MEGF6: variants seen among roughly 807,000 people sequenced by gnomAD.
MEGF6 encodes the protein multiple EGF like domains 6, also known as multiple epidermal growth factor-like domains protein 6.
Under a neutral mutation model 207.1 loss-of-function variants are expected in MEGF6, and 184 were observed. The ratio of observed to expected loss-of-function variants is 0.89; its 90% CI spans 0.79 to 1.00. The LOEUF is 1.00. Among genes scored for constraint, MEGF6 ranks in the 50% least tolerant of loss-of-function variants. The probability of loss-of-function intolerance (pLI) is 0.00; values close to 1 mark genes in which losing one functional copy is unlikely to be tolerated. For missense variants in MEGF6, 2,282 were observed against 2,202.9 expected (o/e 1.04, Z -0.72); for synonymous variants, 1,038 against 910.0 (o/e 1.14, Z -2.53).
intron 4 of MEGF6, among the ~76,000 whole-genome samples, chr1:3,549,602 A>G (rs1642822808): frequency 6.6e-6 from 1 of 152,096 alleles, no homozygotes; most frequent in Non-Finnish European, 1.5e-5. Flanking sequence ...AGGGTCCATC[A>G]ATTCACCGAA....
rs180778483 is a variant in MEGF6 at position 3,559,184 on chromosome 1, G to A, written c.481+20641C>T. Among the ~76,000 whole-genome samples, 34 of 152,328 alleles carry A rather than the reference G, an allele frequency of 2.2e-4. No homozygotes were observed. In the East Asian group the frequency reaches 5.0e-3, roughly 22 times the overall value. ...TGGAGGAGGAACCCTGGGGGCCTCT[G>A]CAGTGCACTAAGGCCATTCGGCATG... On this transcript the variant is annotated intron_variant, in intron 4 of 36. Coordinates refer to ENST00000356575, the MANE Select transcript of MEGF6 (RefSeq NM_001409.4).
At chr1:3,580,627 C>A (rs546675753) in intron 3 of MEGF6, among the ~76,000 whole-genome samples, 38 of 152,208 alleles carry the variant, frequency 2.5e-4, no homozygotes, top group African/African-American at 8.9e-4. Context: ...TGCCTCACTG[C>A]CCCCTCCACA....
At chr1:3,562,551 C>T (rs1490264299) in intron 4 of MEGF6, among the ~76,000 whole-genome samples, 1 of 152,240 alleles carries the variant, frequency 6.6e-6, no homozygotes, top group Non-Finnish European at 1.5e-5. Flanking sequence ...ACTCCCTGCG[C>T]CTCTGGCTCA....
intron 35 of MEGF6, among the ~76,000 whole-genome samples, chr1:3,491,666 C>CT (rs982361072): frequency 1.3e-5 from 2 of 151,710 alleles, no homozygotes; most frequent in African/African-American, 4.8e-5. Context: ...GGCGCCCGGC[C>CT]TTTGCCCCGC....
At chr1:3,603,741 G>A (rs2101887452) in intron 1 of MEGF6, among the ~76,000 whole-genome samples, 1 of 152,152 alleles carries the variant, frequency 6.6e-6, no homozygotes, top group Non-Finnish European at 1.5e-5. Context: ...CCTCCGCCCA[G>A]GCCTTGCCAG....
intron 1 of MEGF6, among the ~76,000 whole-genome samples, chr1:3,607,045 A>T (rs1051427100): frequency 6.6e-6 from 1 of 151,882 alleles, no homozygotes; most frequent in Non-Finnish European, 1.5e-5. Context: ...GCGTGATGAC[A>T]GCTTGGGCCT....
At chr1:3,534,787 G>T (rs1404310519) in intron 4 of MEGF6, among the ~76,000 whole-genome samples, 1 of 152,100 alleles carries the variant, frequency 6.6e-6, no homozygotes, top group East Asian at 1.9e-4. Flanking sequence ...GCCAGCCAGG[G>T]ACCGGAGCCC....
Position 3,499,059 on chromosome 1 carries a change from T to A in MEGF6, c.3094+79A>T. The A allele has an allele frequency of 1.9e-6, 3 of 1,542,418 alleles. No individual in the cohort carries two copies. In the South Asian group the frequency reaches 3.5e-5, roughly 18 times the overall value. On this transcript the variant is annotated intron_variant, in intron 24 of 36. Coordinates refer to ENST00000356575, the MANE Select transcript of MEGF6 (RefSeq NM_001409.4). ...CTTCCTCCCTCCCCCAGGCACCAAG[T>A]GTCCTGTGGGCCCTGCAAGAGGCCA...
chr1:3,553,228 G>A (rs568850257), intron 4 of MEGF6, among the ~76,000 whole-genome samples: 32 of 149,338 alleles, frequency 2.1e-4, no homozygotes, highest in African/African-American at 6.5e-4. Context: ...GGGGATCCAC[G>A]GCCGATCGGC....
intron 4 of MEGF6, chr1:3,531,165 C>A: frequency 6.6e-7 from 1 of 1,524,086 alleles, no homozygotes; most frequent in Non-Finnish European, 8.8e-7. Flanking sequence ...AGCGGTAGTG[C>A]GTGCCCGCGA....
intron 4 of MEGF6, chr1:3,547,076 G>A (rs1642739870): frequency 1.3e-5 from 2 of 159,332 alleles, no homozygotes; most frequent in South Asian, 1.6e-4. Context: ...ACGGTGTCCC[G>A]GCACCGACCC....
intron 1 of MEGF6, among the ~76,000 whole-genome samples, chr1:3,606,895 A>G (rs1644257224): frequency 6.6e-6 from 1 of 152,090 alleles, no homozygotes. Flanking sequence ...GGACTCTGTC[A>G]CCATCTCAGG....
At position 3,546,907 on chromosome 1, in the gene MEGF6, AGTGGGCTGGGAAGGGGGCTGCCAGGC is replaced by A. The variant is rs1557767255; in HGVS notation, c.482-22687_482-22662del. 699 of 87,712 alleles carry A rather than the reference AGTGGGCTGGGAAGGGGGCTGCCAGGC, an allele frequency of 8.0e-3. 13 individuals are homozygous for A. The highest frequency in any genetic ancestry group is 0.04 in the South Asian group (142 of 3,534). 5.4% of individuals were successfully genotyped at this position (87,712 alleles called of 1,614,324 possible). On this transcript the variant is annotated intron_variant, in intron 4 of 36. Coordinates refer to ENST00000356575, the MANE Select transcript of MEGF6 (RefSeq NM_001409.4). ...GAAGGGGGCTGCCAGGCGGGGTGGC[AGTGGGCTGGGAAGGGGGCTGCCAGGC>A]GGGGTGGCAGTGGGCTGGGAAGGGA...
intron 6 of MEGF6, among the ~76,000 whole-genome samples, chr1:3,514,891 G>C (rs1429167610): frequency 6.6e-6 from 1 of 152,208 alleles, no homozygotes; most frequent in Non-Finnish European, 1.5e-5. Context: ...AGCCAGCCCA[G>C]GTCAGGCAGC....
intron 4 of MEGF6, among the ~76,000 whole-genome samples, chr1:3,543,790 G>A (rs1642607684): frequency 6.6e-6 from 1 of 152,224 alleles, no homozygotes; most frequent in African/African-American, 2.4e-5. Flanking sequence ...AACACCTCCT[G>A]AAGGGATACG....
At chr1:3,588,623 G>A (rs923311843) in intron 3 of MEGF6, among the ~76,000 whole-genome samples, 4 of 151,950 alleles carry the variant, frequency 2.6e-5, no homozygotes, top group Non-Finnish European at 4.4e-5. Context: ...TCCCTGGGCC[G>A]TGGGTGCCTG....
intron 4 of MEGF6, among the ~76,000 whole-genome samples, chr1:3,543,687 C>T (rs904067969): frequency 6.6e-6 from 1 of 152,242 alleles, no homozygotes; most frequent in East Asian, 1.9e-4. Flanking sequence ...CTGGCTGGCC[C>T]CGGGTCATCC....
At chr1:3,529,952 T>C (rs939310891) in intron 4 of MEGF6, among the ~76,000 whole-genome samples, 2 of 152,162 alleles carry the variant, frequency 1.3e-5, no homozygotes, top group Non-Finnish European at 2.9e-5. Context: ...TGCCACGGGG[T>C]CCTCACCCCC....
chr1:3,524,266 G>C lies in MEGF6; in HGVS notation c.482-20C>G. ...CCACATCTGAGCAGGAATGGGGAAG[G>C]ATCAGCAGCTGGGCACCTGTGCCCT... On this transcript the variant is annotated intron_variant, in intron 4 of 36. Transcript: ENST00000356575. 6.2e-7 allele frequency: 1 copy of C among 1,600,624 alleles called. No individual in the cohort carries two copies. The highest frequency in any genetic ancestry group is 8.5e-7 in the Non-Finnish European group (1 of 1,169,790).
Sources: allele counts gnomAD v4.1 joint callset (sites outside exome capture counted in the v4.1 genomes callset), GRCh38; gene constraint gnomAD v4.1.1; transcripts MANE v1.5; gene names NCBI Gene and HGNC (gene_info 2026-07-23, HGNC 2026-07-21).